PI3: variants seen among roughly 807,000 people sequenced by gnomAD.
PI3 encodes elafin.
A neutral mutation model predicts 6.0 loss-of-function variants in PI3; 4 were observed. The observed-to-expected ratio is 0.67, with a 90% CI of 0.33 to 1.54. The LOEUF (loss-of-function observed/expected upper bound fraction) is 1.54, where lower values mean the gene tolerates loss of function less well. Among genes scored for constraint, PI3 ranks in the 40% most tolerant of loss-of-function variants. PI3 has a pLI of 0.06. For missense variants in PI3, 149 were observed against 147.6 expected (o/e 1.01, Z -0.05); for synonymous variants, 58 against 56.9 (o/e 1.02, Z -0.09).
chr20:45,176,003 C>A lies in PI3; in HGVS notation c.222C>A (p.Gly74=), dbSNP rs765509238. 3.7e-5 allele frequency: 59 copies of A among 1,614,094 alleles called. No homozygotes were observed. In the East Asian group the frequency reaches 1.2e-3, roughly 32 times the overall value. The change falls in exon 2 of 3, where the codon GGC becomes GGA. Residue 74 remains glycine, a synonymous_variant. Coordinates refer to ENST00000243924, the MANE Select transcript of PI3 (RefSeq NM_002638.4). Reference sequence around the variant, plus strand: ...AAGGTCCAGTCTCCACTAAGCCTGGCTCCTGCCCCATTATCTTGATCCGGT... The same window carrying A: ...AAGGTCCAGTCTCCACTAAGCCTGGATCCTGCCCCATTATCTTGATCCGGT... The part of the protein sequence containing the change: ...PVKGPVSTKP[G]SCPIILIRCA...
At chr20:45,175,813 G>A (rs764314277) in intron 1 of PI3, 48 bp from the exon 2 acceptor site, 47 of 1,593,464 alleles carry the variant, frequency 2.9e-5, no homozygotes, top group Middle Eastern at 1.7e-4. Flanking sequence ...GGCAGCTGAA[G>A]CAGAGGCTTA....
chr20:45,175,723 G>A, intron 1 of PI3, 138 bp from the exon 2 acceptor site: 2 of 858,810 alleles, frequency 2.3e-6, no homozygotes, highest in East Asian at 2.4e-5. Context: ...AGCTCCCAGA[G>A]GTGTACCTTC....
chr20:45,176,294 G>A, intron 2 of PI3, 76 bp from the exon 3 acceptor site: 1 of 661,322 alleles, frequency 1.5e-6, no homozygotes, highest in Non-Finnish European at 2.6e-6. Context: ...TGCCTAGAAG[G>A]ATGATCTGTC....
intron 2 of PI3, 21 bp downstream of exon 2, chr20:45,176,157 G>T: frequency 6.2e-7 from 1 of 1,612,600 alleles, no homozygotes; most frequent in Non-Finnish European, 8.5e-7. Context: ...GCTGGAGAAC[G>T]AGGAGACCCC....
At position 45,176,046 on chromosome 20, in the gene PI3, C is replaced by G; in HGVS notation, c.265C>G (p.Pro89Ala). The G allele has an allele frequency of 6.2e-7, 1 of 1,614,148 alleles. No individual in the cohort carries two copies. Among genetic ancestry groups the G allele is most frequent in the Non-Finnish European group, 8.5e-7 (1 of 1,180,020 alleles). Residue 89 changes from proline (P) to alanine (A), a missense_variant, in exon 2 of 3, where the codon CCT (proline) becomes GCT (alanine). Coordinates refer to ENST00000243924, the MANE Select transcript of PI3 (RefSeq NM_002638.4). ...ILIRCAMLNP[P>A]NRCLKDTDCP... The stretch of plus-strand genomic sequence containing the variant: ...GATCCGGTGCGCCATGTTGAATCCC[C>G]CTAACCGCTGCTTGAAAGATACTGA...
In PI3 at chr20:45,176,133, T is replaced by C. The variant is rs1982789362; in HGVS notation, c.352T>C (p.Ter118ArgextTer21). 6.2e-7 allele frequency: 1 copy of C among 1,613,842 alleles called. No homozygotes were observed. Among genetic ancestry groups the C allele is most frequent in the Non-Finnish European group, 8.5e-7 (1 of 1,179,928 alleles). Residue 118 changes from the stop codon to arginine, a stop_lost, in exon 2 of 3, where the codon TGA becomes CGA. Coordinates refer to ENST00000243924, the MANE Select transcript of PI3 (RefSeq NM_002638.4). ...SCGMACFVPQ[*>R] ...CGGGATGGCCTGTTTCGTTCCCCAG[T>C]GAGGTGAGCACTAGCTGGAGAACGA...
intron 2 of PI3, 84 bp downstream of exon 2, chr20:45,176,220 G>A: frequency 1.5e-6 from 2 of 1,306,340 alleles, no homozygotes; most frequent in Non-Finnish European, 2.2e-6. Flanking sequence ...GTTGGTGGGA[G>A]GGAGGTTGTG....
In PI3 at chr20:45,176,424, G is replaced by T. The variant is rs1284694252; in HGVS notation, c.*56G>T. The T allele has an allele frequency of 2.2e-6, 1 of 461,530 alleles. No homozygotes were observed. Among genetic ancestry groups the T allele is most frequent in the Non-Finnish European group, 3.9e-6 (1 of 253,372 alleles). 28.6% of individuals were successfully genotyped at this position (461,530 alleles called of 1,614,324 possible). ...GTCCCCAGAGCTACAGGCCCCATCT[G>T]GTCCTAAGTCCCTGCTGCCCTTCCC... is the stretch of plus-strand genomic sequence containing the variant. On this transcript the variant is annotated 3_prime_UTR_variant, in exon 3 of 3. Transcript: ENST00000243924.
At chr20:45,175,326 C>G (rs76279321) in intron 1 of PI3, among the ~76,000 whole-genome samples, 3,050 of 152,244 alleles carry the variant, frequency 0.02, 106 homozygotes, top group African/African-American at 0.071. Flanking sequence ...TGGACACAGT[C>G]CCCCGTTTCT....
At chr20:45,176,228 G>A in intron 2 of PI3, 92 bp downstream of exon 2, 2 of 1,313,684 alleles carry the variant, frequency 1.5e-6, no homozygotes, top group Non-Finnish European at 2.1e-6. Context: ...GAGGGAGGTT[G>A]TGGGAGGTGA....
At chr20:45,175,837 T>C (rs561395392) in intron 1 of PI3, 24 bp from the exon 2 acceptor site, 16 of 1,612,444 alleles carry the variant, frequency 9.9e-6, no homozygotes, top group Non-Finnish European at 1.4e-5. Flanking sequence ...GGTATAAATG[T>C]GGGCTCGTTT....
Position 45,175,938 on chromosome 20 carries a change from G to A in PI3, c.157G>A (p.Val53Ile), listed in dbSNP as rs1258931696. The stretch of plus-strand genomic sequence containing the variant: ...AGATCCCGTTAAAGGACAAGTTTCA[G>A]TTAAAGGTCAAGATAAAGTCAAAGC... ...GQDPVKGQVS[V>I]KGQDKVKAQE... Residue 53 changes from valine (V) to isoleucine (I), a missense_variant, in exon 2 of 3, where the codon GTT becomes ATT. Physicochemically the swap from Val to Ile is conservative, Grantham distance 29 (BLOSUM62 3). Transcript: ENST00000243924. The A allele has an allele frequency of 6.2e-7, 1 of 1,614,210 alleles. No homozygotes were observed.
chr20:45,175,202 G>GAT (rs1982766468), intron 1 of PI3, among the ~76,000 whole-genome samples: 1 of 152,232 alleles, frequency 6.6e-6, no homozygotes, highest in African/African-American at 2.4e-5. Flanking sequence ...CAGTGACTGA[G>GAT]ATATCAGGAC....
Position 45,175,973 on chromosome 20 carries a change from A to G in PI3, c.192A>G (p.Pro64=), listed in dbSNP as rs750795846. ...AAGATAAAGTCAAAGCGCAAGAGCC[A>G]GTCAAAGGTCCAGTCTCCACTAAGC... ...KGQDKVKAQE[P]VKGPVSTKPG... is the part of the protein sequence containing the mutation. The change falls in exon 2 of 3, where the codon CCA becomes CCG. Residue 64 remains proline (P), a synonymous_variant. Transcript: ENST00000243924. 2.5e-6 allele frequency: 4 copies of G among 1,614,094 alleles called. No individual in the cohort carries two copies. In the East Asian group the frequency reaches 6.7e-5, roughly 27 times the overall value.
Position 45,174,902 on chromosome 20 carries a change from G to T in PI3, c.-21G>T. 6.2e-7 allele frequency: 1 copy of T among 1,606,390 alleles called. No homozygotes were observed. Among genetic ancestry groups the T allele is most frequent in the Non-Finnish European group, 8.5e-7 (1 of 1,174,894 alleles). On this transcript the variant is annotated 5_prime_UTR_variant, in exon 1 of 3. Coordinates refer to ENST00000243924, the MANE Select transcript of PI3 (RefSeq NM_002638.4). Reference sequence around the variant, plus strand: ...AAGATTGGTATGGCCTTAGCTCTTAGCCAAACACCTTCCTGACACCATGAG... The same window carrying T: ...AAGATTGGTATGGCCTTAGCTCTTATCCAAACACCTTCCTGACACCATGAG...
At chr20:45,175,724 G>A (rs929344958) in intron 1 of PI3, 137 bp from the exon 2 acceptor site, 2 of 865,006 alleles carry the variant, frequency 2.3e-6, no homozygotes, top group Non-Finnish European at 3.7e-6. Flanking sequence ...GCTCCCAGAG[G>A]TGTACCTTCC....
rs755595688 is a variant in PI3 at position 45,176,006 on chromosome 20, C to T, written c.225C>T (p.Ser75=). 4 of 1,614,066 alleles carry T rather than the reference C, an allele frequency of 2.5e-6. No homozygotes were observed. In the East Asian group the frequency reaches 8.9e-5, roughly 36 times the overall value. ...GTCCAGTCTCCACTAAGCCTGGCTC[C>T]TGCCCCATTATCTTGATCCGGTGCG... ...VKGPVSTKPG[S]CPIILIRCAM... is the part of the protein sequence containing the mutation. The change falls in exon 2 of 3, where the codon TCC becomes TCT. Residue 75 remains serine (S), a synonymous_variant. Transcript: ENST00000243924.
chr20:45,176,389 C>A lies in PI3; in HGVS notation c.*21C>A, dbSNP rs1982795570. 3.7e-6 allele frequency: 2 copies of A among 539,134 alleles called. No individual in the cohort carries two copies. The highest frequency in any genetic ancestry group is 6.4e-5 in the Admixed American group (2 of 31,328). The allele number at this position is 539,134 out of a possible 1,614,324, so 33.4% of individuals were successfully genotyped here. On this transcript the variant is annotated 3_prime_UTR_variant, in exon 3 of 3. Transcript: ENST00000243924. ...CCACAGAGGGAGCCGGTCCTTGCTG[C>A]ACCTGTGCCGTCCCCAGAGCTACAG...
At chr20:45,176,264 C>A in intron 2 of PI3, 106 bp from the exon 3 acceptor site, 2 of 852,820 alleles carry the variant, frequency 2.3e-6, no homozygotes, top group Admixed American at 2.4e-5. Flanking sequence ...ACTGAGGGGT[C>A]TGAGAGGCTA....
Sources: gnomAD v4.1 joint callset for allele counts (sites outside exome capture counted in the v4.1 genomes callset) on GRCh38, gnomAD v4.1.1 for gene constraint, MANE v1.5 for transcripts, NCBI Gene and HGNC (gene_info 2026-07-23, HGNC 2026-07-21) for gene names.